Variants in PDE8B observed in about 807,000 individuals in gnomAD.
The protein encoded by PDE8B is phosphodiesterase 8B.
A neutral mutation model predicts 101.3 loss-of-function variants in PDE8B; 26 were observed. The ratio of observed to expected loss-of-function variants is 0.26; its 90% CI spans 0.19 to 0.36. PDE8B has a LOEUF of 0.36. Among genes scored for constraint, PDE8B ranks in the 10% least tolerant of loss-of-function variants. PDE8B has a pLI of 1.00. For missense variants in PDE8B, 810 were observed against 1,163.1 expected (o/e 0.70, Z 4.42); for synonymous variants, 424 against 429.3 (o/e 0.99, Z 0.15).
the PDE8B span, among the ~76,000 whole-genome samples, chr5:77,172,241 C>T: frequency 7.2e-5 from 11 of 152,164 alleles, no homozygotes; most frequent in Non-Finnish European, 1.3e-4. Context: ...ATTGTTGACT[C>T]CTCAGTGGCC....
intron 9 of PDE8B, among the ~76,000 whole-genome samples, chr5:77,352,569 G>A (rs560889481): frequency 6.6e-6 from 1 of 152,270 alleles, no homozygotes; most frequent in East Asian, 1.9e-4. Flanking sequence ...CTTCCTAGTT[G>A]GGTGAAGTTT....
At chr5:77,168,292 G>T in the PDE8B span, among the ~76,000 whole-genome samples, 91 of 152,224 alleles carry the variant, frequency 6.0e-4, no homozygotes, top group African/African-American at 2.1e-3. Flanking sequence ...CCAGTTGCCT[G>T]CTCTTCACTT....
the PDE8B span, among the ~76,000 whole-genome samples, chr5:77,166,226 T>TAAAAAAAAAAA: frequency 1.7e-5 from 2 of 116,376 alleles, no homozygotes; most frequent in Non-Finnish European, 3.5e-5. Flanking sequence ...TCGGTAAAGA[T>TAAAAAAAAAAA]AAAAAAAAAA....
At chr5:77,172,719 T>C in the PDE8B span, among the ~76,000 whole-genome samples, 8,802 of 152,258 alleles carry the variant, frequency 0.058, 268 homozygotes, top group African/African-American at 0.082. Flanking sequence ...GAACTAAAGA[T>C]AAGACATTAG....
rs1453542289 is a variant in PDE8B, at chr5:77,428,036, ACAATTCCATG to A, written c.*1486_*1495del. On this transcript the variant is annotated 3_prime_UTR_variant, in exon 22 of 22. Coordinates refer to ENST00000264917, the MANE Select transcript of PDE8B (RefSeq NM_003719.5). The stretch of plus-strand genomic sequence containing the variant: ...TTTGTACCAAAAATGGAAAAATATG[ACAATTCCATG>A]CAAAGAAATGTATCTAAATTATTTT... 6.6e-6 allele frequency: 1 copy of A among 152,244 alleles called. No homozygotes were observed. Among genetic ancestry groups the A allele is most frequent in the African/African-American group, 2.4e-5 (1 of 41,462 alleles). 9.4% of individuals were successfully genotyped at this position (152,244 alleles called of 1,614,324 possible).
chr5:77,247,558 T>A (rs971038779), intron 1 of PDE8B, among the ~76,000 whole-genome samples: 2 of 152,092 alleles, frequency 1.3e-5, no homozygotes, highest in African/African-American at 2.4e-5. Context: ...TGTTCATCAA[T>A]ATCACTTTTA....
chr5:77,391,311 T>A (rs1789862982), intron 10 of PDE8B, among the ~76,000 whole-genome samples: 1 of 152,192 alleles, frequency 6.6e-6, no homozygotes, highest in Non-Finnish European at 1.5e-5. Flanking sequence ...GAAGGTCTGC[T>A]GGCACTGCTC....
intron 2 of PDE8B, among the ~76,000 whole-genome samples, chr5:77,322,167 G>A (rs566387884): frequency 2.0e-5 from 3 of 152,226 alleles, no homozygotes; most frequent in Admixed American, 2.0e-4. Context: ...GGGTGATTAG[G>A]GTTGGGGAAT....
the PDE8B span, chr5:77,144,752 A>C: frequency 6.6e-6 from 1 of 152,080 alleles, no homozygotes; most frequent in South Asian, 2.1e-4. Context: ...GCCGCCGTCC[A>C]TTCTCTTCAC....
At position 77,210,999 on chromosome 5, in the gene PDE8B, C is replaced by T; in HGVS notation, c.74C>T (p.Ser25Leu). Residue 25 changes from serine (S) to leucine (L), a missense_variant, in exon 1 of 22, where the codon TCG becomes TTG. Around this residue, in one of 4 missense-constraint regions of PDE8B, gnomAD observed 159 missense variants for 146.6 expected, o/e 1.08. Coordinates refer to ENST00000264917, the MANE Select transcript of PDE8B (RefSeq NM_003719.5). The surrounding 1 kb of genome is among the most constrained non-coding windows in gnomAD (Gnocchi z 4.9). ...TGCCGGGACTCGGACGAGTCCAGCT[C>T]GCCCCGCCAGACCACCAGCGTGTCG... ...IYCRDSDESS[S>L]PRQTTSVSQG... 5.2e-6 allele frequency: 8 copies of T among 1,546,632 alleles called. No homozygotes were observed. The highest frequency in any genetic ancestry group is 1.4e-5 in the African/African-American group (1 of 70,624).
chr5:77,168,450 C>G, the PDE8B span, among the ~76,000 whole-genome samples: 10 of 152,206 alleles, frequency 6.6e-5, no homozygotes, highest in African/African-American at 2.4e-4. Context: ...CTCCCTGACC[C>G]AGAACTGCCT....
chr5:77,244,113 C>A (rs1327794227), intron 1 of PDE8B, among the ~76,000 whole-genome samples: 1 of 152,016 alleles, frequency 6.6e-6, no homozygotes, highest in East Asian at 1.9e-4. Context: ...ATGACACAAG[C>A]CAAGCCATGA....
intron 5 of PDE8B, 33 bp from the exon 6 acceptor site, chr5:77,337,194 A>G (rs1002934644): frequency 2.6e-6 from 3 of 1,141,620 alleles, no homozygotes; most frequent in Non-Finnish European, 4.0e-6. Flanking sequence ...GTAATTATAT[A>G]TGTCTTATGT....
chr5:77,219,514 G>A lies in PDE8B; in HGVS notation c.339+8250G>A, dbSNP rs191160772. 3.3e-5 allele frequency among the ~76,000 whole-genome samples: 5 copies of A among 152,236 alleles called. No individual in the cohort carries two copies. The East Asian group carries it at 7.7e-4, about 24-fold the overall frequency. On this transcript the variant is annotated intron_variant, in intron 1 of 21. Coordinates refer to ENST00000264917, the MANE Select transcript of PDE8B (RefSeq NM_003719.5). ...GAACCACAAATAGCATTAAAGCTCC[G>A]GAACTGGAAGGTGATGACAAGGGTT...
chr5:77,357,706 A>G (rs567774059), intron 10 of PDE8B, among the ~76,000 whole-genome samples: 1 of 152,334 alleles, frequency 6.6e-6, no homozygotes, highest in African/African-American at 2.4e-5. Context: ...TGAACCCACA[A>G]GGACCCAAGG....
the PDE8B span, chr5:77,089,206 ACCT>A: frequency 6.6e-6 from 1 of 152,136 alleles, no homozygotes; most frequent in Non-Finnish European, 1.5e-5. Context: ...CCTGAGCTCC[ACCT>A]CCTGTCACAT....
intron 1 of PDE8B, among the ~76,000 whole-genome samples, chr5:77,271,567 C>T (rs772298877): frequency 3.9e-5 from 6 of 151,930 alleles, no homozygotes; most frequent in Non-Finnish European, 7.4e-5. Context: ...ATGTGAAGAA[C>T]TTTTTTTTAA....
the PDE8B span, among the ~76,000 whole-genome samples, chr5:77,195,390 C>T: frequency 6.6e-6 from 1 of 152,312 alleles, no homozygotes; most frequent in Middle Eastern, 3.4e-3. Context: ...CCATAGCATT[C>T]TACCATTTTA....
chr5:77,311,064 C>T (rs533922479), intron 1 of PDE8B, among the ~76,000 whole-genome samples: 7 of 152,178 alleles, frequency 4.6e-5, no homozygotes, highest in African/African-American at 1.4e-4. Flanking sequence ...GTGCTGAAGG[C>T]GCTCCTTCAG....
Sources: allele counts gnomAD v4.1 joint callset (sites outside exome capture counted in the v4.1 genomes callset), GRCh38; gene constraint gnomAD v4.1.1; regional missense constraint gnomAD v4.1.1; non-coding constraint Gnocchi (gnomAD v3.1); transcripts MANE v1.5; gene names NCBI Gene and HGNC (gene_info 2026-07-23, HGNC 2026-07-21).